Variants in SCN1A observed in about 807,000 individuals in gnomAD.
The protein encoded by SCN1A is sodium voltage-gated channel alpha subunit 1, also known as sodium channel protein type 1 subunit alpha.
In SCN1A, 13 loss-of-function variants were observed where a neutral mutation model predicts 193.7. The observed-to-expected ratio is 0.07, with a 90% CI of 0.04 to 0.11. SCN1A has a LOEUF of 0.11. Ranked by LOEUF, SCN1A falls within the 10% of genes least tolerant of loss-of-function variation. SCN1A has a pLI of 1.00. For synonymous variants in SCN1A, 781 were observed against 843.6 expected (o/e 0.93, Z 1.29); for missense variants, 1,432 against 2,451.1 (o/e 0.58, Z 8.78).
chr2:166,040,024 T>C (rs1696957056), intron 16 of SCN1A, among the ~76,000 whole-genome samples: 1 of 150,018 alleles, frequency 6.7e-6, no homozygotes, highest in Non-Finnish European at 1.5e-5. Flanking sequence ...GTTCACGCCA[T>C]TCTCCTGCCT....
Position 165,994,410 on chromosome 2 carries a change from A to G in SCN1A, c.4588T>C (p.Phe1530Leu), listed in dbSNP as rs1689724218. 7 of 1,612,614 alleles carry G rather than the reference A, an allele frequency of 4.3e-6. No homozygotes were observed. The highest frequency in any genetic ancestry group is 5.9e-6 in the Non-Finnish European group (7 of 1,179,200). Residue 1530 changes from phenylalanine (F) to leucine (L), a missense_variant, in exon 28 of 29, where the codon TTT becomes CTT. By Grantham distance (22) the Phe-to-Leu change is conservative. Transcript: ENST00000674923. The part of the protein sequence containing the change: ...QKPIPRPGNK[F>L]QGMVFDFVTR... ...ACGAAGTCAAAGACCATTCCTTGAA[A>G]TTTGTTCTGTAGAGAAATAGAAATG...
chr2:165,987,577 T>C lies in SCN1A; in HGVS notation c.*3668A>G, dbSNP rs1688688687. On this transcript the variant is annotated 3_prime_UTR_variant, in exon 29 of 29. Coordinates refer to ENST00000674923, the MANE Select transcript of SCN1A (RefSeq NM_001165963.4). The stretch of plus-strand genomic sequence containing the variant: ...TTTTCCTTATTTACTTACATCAGTA[T>C]GTATTTGCTGATTCTTATTCAATGA... The C allele has an allele frequency of 6.6e-6, 1 of 152,190 alleles. No individual in the cohort carries two copies. The highest frequency in any genetic ancestry group is 2.4e-5 in the African/African-American group (1 of 41,458). The allele number at this position is 152,190 out of a possible 1,614,324, so 9.4% of individuals were successfully genotyped here. A position where few individuals can be genotyped will look rare whatever the true frequency, so the allele number is the denominator to read the frequency against.
chr2:166,051,149 T>C (rs1372449975), intron 9 of SCN1A, among the ~76,000 whole-genome samples: 1 of 152,024 alleles, frequency 6.6e-6, no homozygotes, highest in Non-Finnish European at 1.5e-5. Context: ...CTAGCTGAAT[T>C]CTTCAGCCTT....
At position 166,035,832 on chromosome 2, in the gene SCN1A, G is replaced by C. The variant is rs74440143; in HGVS notation, c.3429+216C>G. ...AGCTTGCTGCCCCTGCCCAGCATGA[G>C]AGTATATTGTACCACAAATTGCTAG... On this transcript the variant is annotated intron_variant, in intron 19 of 28. Coordinates refer to ENST00000674923, the MANE Select transcript of SCN1A (RefSeq NM_001165963.4). Among the ~76,000 whole-genome samples, 2,332 of 152,192 alleles carry C rather than the reference G, an allele frequency of 0.015. 66 individuals carry two copies. The highest frequency in any genetic ancestry group is 0.053 in the African/African-American group (2,209 of 41,512).
intron 2 of SCN1A, among the ~76,000 whole-genome samples, chr2:166,112,417 C>T (rs1689393722): frequency 6.6e-6 from 1 of 152,080 alleles, no homozygotes; most frequent in Admixed American, 6.6e-5. Flanking sequence ...CTATCACATA[C>T]CTAATAGACT....
At chr2:166,075,828 T>C (rs981053911) in intron 3 of SCN1A, among the ~76,000 whole-genome samples, 1 of 152,040 alleles carries the variant, frequency 6.6e-6, no homozygotes, top group African/African-American at 2.4e-5. Context: ...CAATATAATA[T>C]GTTATCATAT....
intron 2 of SCN1A, among the ~76,000 whole-genome samples, chr2:166,096,970 T>G (rs62179417): frequency 3.4e-4 from 52 of 152,344 alleles, no homozygotes; most frequent in Admixed American, 1.7e-3. Flanking sequence ...ATTAGTGATG[T>G]AAATCTAAAA....
At chr2:166,091,785 A>G (rs933964609) in intron 2 of SCN1A, among the ~76,000 whole-genome samples, 2 of 152,228 alleles carry the variant, frequency 1.3e-5, no homozygotes, top group African/African-American at 2.4e-5. Flanking sequence ...TCCCCACGCC[A>G]CTAGAATTGT....
At chr2:166,002,032 A>T (rs550286419) in intron 24 of SCN1A, among the ~76,000 whole-genome samples, 1 of 151,656 alleles carries the variant, frequency 6.6e-6, no homozygotes, top group East Asian at 2.0e-4. Context: ...ACTCAGCAGC[A>T]GTTAATCCCT....
chr2:166,022,432 G>T (rs1694197021), intron 19 of SCN1A, among the ~76,000 whole-genome samples: 1 of 152,122 alleles, frequency 6.6e-6, no homozygotes, highest in Non-Finnish European at 1.5e-5. Context: ...ATCTTTGTGG[G>T]TATTAAAAAA....
rs866995453 is a variant in SCN1A at position 166,015,589 on chromosome 2, T to G, written c.3550+18A>C. On this transcript the variant is annotated intron_variant, in intron 20 of 28. Transcript: ENST00000674923. ...TGCACTCCAAATGAAAGATTAACATTAGGATTCTTTTCTTTACCTTCAGTG... is the reference window on the plus strand; with the variant it reads ...TGCACTCCAAATGAAAGATTAACATGAGGATTCTTTTCTTTACCTTCAGTG... 18 of 1,612,120 alleles carry G rather than the reference T, an allele frequency of 1.1e-5. No individual in the cohort carries two copies. Among genetic ancestry groups the G allele is most frequent in the Middle Eastern group, 1.7e-4 (1 of 6,048 alleles).
intron 1 of SCN1A, among the ~76,000 whole-genome samples, chr2:166,143,995 C>A (rs2155872): frequency 3.3e-5 from 5 of 151,610 alleles, no homozygotes; most frequent in Non-Finnish European, 5.9e-5. Context: ...AGAACATCTC[C>A]GTATCAAACC....
chr2:166,054,095 C>G (rs1698877863), intron 7 of SCN1A, among the ~76,000 whole-genome samples: 1 of 151,884 alleles, frequency 6.6e-6, no homozygotes, highest in Non-Finnish European at 1.5e-5. Flanking sequence ...TCTTAGAAAT[C>G]AGTAATTTAA....
At position 165,994,037 on chromosome 2, in the gene SCN1A, A is replaced by G. The variant is rs183926168; in HGVS notation, c.4852+109T>C. On this transcript the variant is annotated intron_variant, in intron 28 of 28. Coordinates refer to ENST00000674923, the MANE Select transcript of SCN1A (RefSeq NM_001165963.4). ...ACACACTTGGATAAAATGTATCAAAATATTTACAGTGATTATCTCTGATTG... is the reference window on the plus strand; with the variant it reads ...ACACACTTGGATAAAATGTATCAAAGTATTTACAGTGATTATCTCTGATTG... 5.5e-6 allele frequency: 5 copies of G among 906,788 alleles called. No individual in the cohort carries two copies. The East Asian group carries it at 1.3e-4, about 24-fold the overall frequency. 56.2% of individuals were successfully genotyped at this position (906,788 alleles called of 1,614,324 possible). A position where few individuals can be genotyped will look rare whatever the true frequency, so the allele number is the denominator to read the frequency against.
intron 19 of SCN1A, chr2:166,016,028 G>A (rs1380238366): frequency 2.9e-6 from 1 of 343,396 alleles, no homozygotes; most frequent in Non-Finnish European, 5.5e-6. Flanking sequence ...AGGGGACACA[G>A]GGAAGAGAAG....
intron 17 of SCN1A, among the ~76,000 whole-genome samples, chr2:166,038,686 T>C (rs745427288): frequency 2.6e-5 from 4 of 152,180 alleles, no homozygotes; most frequent in Admixed American, 6.6e-5. Context: ...TGTTCTTAAT[T>C]TGTTTTATAA....
intron 12 of SCN1A, among the ~76,000 whole-genome samples, chr2:166,045,575 C>T (rs1697734954): frequency 1.3e-5 from 2 of 151,998 alleles, no homozygotes; most frequent in Admixed American, 6.6e-5. Flanking sequence ...CCACAGACCA[C>T]GTATTCAAAA....
At chr2:166,123,437 C>G (rs1690858122) in intron 2 of SCN1A, 1 of 151,874 alleles carries the variant, frequency 6.6e-6, no homozygotes, top group Admixed American at 6.6e-5. Flanking sequence ...CTCATTCAAA[C>G]AATTTTTTTT....
chr2:166,088,091 T>C (rs541117647), intron 2 of SCN1A, among the ~76,000 whole-genome samples: 1 of 150,068 alleles, frequency 6.7e-6, no homozygotes, highest in African/African-American at 2.4e-5. Context: ...TGTGTAAGGG[T>C]ATGAGCTACA....
Sources: gnomAD v4.1 joint callset for allele counts (sites outside exome capture counted in the v4.1 genomes callset) on GRCh38, gnomAD v4.1.1 for gene constraint, MANE v1.5 for transcripts, NCBI Gene and HGNC (gene_info 2026-07-23, HGNC 2026-07-21) for gene names.